PCDHA6: variants seen among roughly 807,000 people sequenced by gnomAD.
PCDHA6 encodes the protein protocadherin alpha-6.
PCDHA6 carries 55 observed loss-of-function variants against 60.3 expected under a neutral mutation model. That is an observed-to-expected ratio of 0.91 (90% CI 0.73 to 1.14). The LOEUF (loss-of-function observed/expected upper bound fraction) is 1.14. PCDHA6 is among the 50% of genes most tolerant of loss of function. The pLI, the probability that PCDHA6 is intolerant of heterozygous loss-of-function variation, is 0.00. For synonymous variants in PCDHA6, 652 were observed against 557.9 expected, an observed-to-expected ratio of 1.17 and a Z score of -2.38; for missense variants, 1,327 against 1,256.5, an observed-to-expected ratio of 1.06 and a Z score of -0.85.
At chr5:140,860,183 C>G (rs1286653695) in intron 1 of PCDHA6, 2 of 149,278 alleles carry the variant, frequency 1.3e-5, no homozygotes, top group Non-Finnish European at 3.0e-5. Flanking sequence ...ATATGATGGG[C>G]TCTCCTTACA....
At chr5:141,005,285 A>T (rs1285354488) in intron 3 of PCDHA6, among the ~76,000 whole-genome samples, 1 of 152,218 alleles carries the variant, frequency 6.6e-6, no homozygotes, top group Non-Finnish European at 1.5e-5. Context: ...ATAAACAGAT[A>T]CATTTTTTGC....
At chr5:140,840,408 T>G (rs1310565539) in intron 1 of PCDHA6, among the ~76,000 whole-genome samples, 6 of 151,960 alleles carry the variant, frequency 3.9e-5, no homozygotes, top group Admixed American at 2.0e-4. Context: ...TTAAGAATAC[T>G]TCAAATAATA....
intron 1 of PCDHA6, chr5:140,843,294 C>G (rs2150356676): frequency 6.3e-7 from 1 of 1,595,870 alleles, no homozygotes; most frequent in Non-Finnish European, 8.6e-7. Flanking sequence ...GGTGAACCTG[C>G]GCTGACCGCC....
Position 140,850,710 on chromosome 5 carries a change from C to T in PCDHA6, c.2394+20225C>T, listed in dbSNP as rs149535933. The T allele has an allele frequency of 3.1e-6, 5 of 1,597,920 alleles. No homozygotes were observed. The African/African-American group carries it at 6.7e-5, about 22-fold the overall frequency. On this transcript the variant is annotated intron_variant, in intron 1 of 3. Coordinates refer to ENST00000529310, the MANE Select transcript of PCDHA6 (RefSeq NM_018909.4). ...CGAGTGCGCGCCTGGCAAGCCGACG[C>T]TGGTGTGTTCTAGCGCGGTGGGGAG... is the stretch of plus-strand genomic sequence containing the variant.
chr5:140,906,239 T>G (rs563566442), intron 1 of PCDHA6, among the ~76,000 whole-genome samples: 5 of 152,314 alleles, frequency 3.3e-5, no homozygotes, highest in Admixed American at 1.3e-4. Context: ...CCTTGTCAAC[T>G]TGAACCCATA....
chr5:140,874,685 T>C (rs1212570606), intron 1 of PCDHA6, among the ~76,000 whole-genome samples: 1 of 152,234 alleles, frequency 6.6e-6, no homozygotes, highest in Non-Finnish European at 1.5e-5. Flanking sequence ...AGATTTGTTT[T>C]AACATGTTAT....
chr5:140,841,207 T>C (rs1217897832), intron 1 of PCDHA6: 1 of 1,357,074 alleles, frequency 7.4e-7, no homozygotes, highest in African/African-American at 1.5e-5. Context: ...ACAGCATCTG[T>C]CTCTAAAGGC....
intron 1 of PCDHA6, among the ~76,000 whole-genome samples, chr5:140,903,637 A>G (rs1290449623): frequency 1.3e-5 from 2 of 152,240 alleles, no homozygotes; most frequent in Non-Finnish European, 1.5e-5. Flanking sequence ...GTATGCATAT[A>G]CCATATACAT....
At chr5:140,941,987 G>A (rs1315027422) in intron 1 of PCDHA6, among the ~76,000 whole-genome samples, 1 of 152,104 alleles carries the variant, frequency 6.6e-6, no homozygotes, top group Non-Finnish European at 1.5e-5. Flanking sequence ...ACCTTGATAA[G>A]GGATTCATAT....
chr5:140,856,174 C>T, intron 1 of PCDHA6: 1 of 1,598,296 alleles, frequency 6.3e-7, no homozygotes, highest in Non-Finnish European at 8.6e-7. Flanking sequence ...GACACGGCAC[C>T]TTCGTGGGCC....
chr5:140,876,486 G>A, intron 1 of PCDHA6: 1 of 1,614,014 alleles, frequency 6.2e-7, no homozygotes, highest in Non-Finnish European at 8.5e-7. Context: ...TGGTCCTGGT[G>A]GAAGTTCTGG....
In PCDHA6 at chr5:140,876,147, T is replaced by A. The variant is rs183600546; in HGVS notation, c.2394+45662T>A. 4.3e-6 allele frequency: 7 copies of A among 1,613,994 alleles called. No individual in the cohort carries two copies. The Admixed American group carries it at 1.2e-4, about 27-fold the overall frequency. ...GCGGTAAACCAGAACTAACAGGGTC[T>A]GTCCAGATTCAAATAACCGTCCTGG... is the stretch of plus-strand genomic sequence containing the variant. On this transcript the variant is annotated intron_variant, in intron 1 of 3. Transcript: ENST00000529310.
chr5:140,969,822 G>A (rs559271640), intron 1 of PCDHA6, among the ~76,000 whole-genome samples: 68 of 152,320 alleles, frequency 4.5e-4, no homozygotes, highest in Non-Finnish European at 8.4e-4. Flanking sequence ...ACTCTGGACT[G>A]TCTACAGTGG....
chr5:140,872,347 C>T (rs556222685), intron 1 of PCDHA6, among the ~76,000 whole-genome samples: 44 of 152,200 alleles, frequency 2.9e-4, no homozygotes, highest in African/African-American at 1.0e-3. Context: ...CATGTTCTTG[C>T]CAGGCAAAGT....
chr5:140,830,126 T>C lies in PCDHA6; in HGVS notation c.2035T>C (p.Ser679Pro). Residue 679 changes from serine to proline, a missense_variant, in exon 1 of 4, where the codon TCA becomes CCA. Coordinates refer to ENST00000529310, the MANE Select transcript of PCDHA6 (RefSeq NM_018909.4). ...LVESGQAPKASSRASVGAAGP... is the reference protein window; with the variant it reads ...LVESGQAPKAPSRASVGAAGP... ...GGAGAGTGGCCAGGCTCCAAAGGCG[T>C]CATCACGGGCGTCGGTGGGCGCCGC... 1 of 1,613,316 alleles carries C rather than the reference T, an allele frequency of 6.2e-7. No homozygotes were observed. Among genetic ancestry groups the C allele is most frequent in the Non-Finnish European group, 8.5e-7 (1 of 1,179,850 alleles).
At chr5:140,890,204 CT>C (rs1256018806) in intron 1 of PCDHA6, among the ~76,000 whole-genome samples, 2 of 151,984 alleles carry the variant, frequency 1.3e-5, no homozygotes, top group African/African-American at 4.8e-5. Context: ...TTTTGTTTTT[CT>C]TTTTTCCCAG....
intron 1 of PCDHA6, chr5:140,967,413 A>G: frequency 6.2e-7 from 1 of 1,613,218 alleles, no homozygotes; most frequent in Non-Finnish European, 8.5e-7. Context: ...AAGGGCCTAG[A>G]CCGGGAGCAG....
chr5:140,918,703 A>G (rs2153549940), intron 1 of PCDHA6, among the ~76,000 whole-genome samples: 1 of 152,306 alleles, frequency 6.6e-6, no homozygotes, highest in Non-Finnish European at 1.5e-5. Context: ...TTAAGTCATG[A>G]GGGCAGAGCC....
At chr5:140,982,214 TG>T in intron 2 of PCDHA6, 1 of 485,000 alleles carries the variant, frequency 2.1e-6, no homozygotes, top group Non-Finnish European at 3.3e-6. Flanking sequence ...GAGCGCCACA[TG>T]GCGTTAATAA....
Sources: gnomAD v4.1 joint callset for allele counts (sites outside exome capture counted in the v4.1 genomes callset) on GRCh38, gnomAD v4.1.1 for gene constraint, MANE v1.5 for transcripts, NCBI Gene and HGNC (gene_info 2026-07-23, HGNC 2026-07-21) for gene names.